The following GAS7 variants were observed in gnomAD, a reference collection of about 807,000 sequenced individuals.
GAS7 encodes the protein growth arrest-specific protein 7.
In GAS7, 28 loss-of-function variants were observed where a neutral mutation model predicts 71.1. The ratio of observed to expected loss-of-function variants is 0.39; its 90% confidence interval spans 0.29 to 0.54. The LOEUF (loss-of-function observed/expected upper bound fraction) is 0.54. GAS7 is among the 20% of genes least tolerant of loss of function. The pLI, the probability that GAS7 is intolerant of heterozygous loss-of-function variation, is 0.62. For synonymous variants in GAS7, 258 were observed against 245.8 expected (o/e 1.05, Z -0.46); for missense variants, 436 against 627.8 (o/e 0.69, Z 3.27).
chr17:9,919,493 C>T lies in GAS7; in HGVS notation c.1218+133G>A, dbSNP rs2067715794. 1 of 753,108 alleles carries T rather than the reference C, an allele frequency of 1.3e-6. No individual in the cohort carries two copies. Among genetic ancestry groups the T allele is most frequent in the Admixed American group, 1.9e-5 (1 of 52,372 alleles). The allele number at this position is 753,108 out of a possible 1,614,324, so 46.7% of individuals were successfully genotyped here. The stretch of plus-strand genomic sequence containing the variant: ...CTGGCTCACATTGAGGTTTCGACCC[C>T]AACACTGAAGTAGATTTGATGACCA... On this transcript the variant is annotated intron_variant, in intron 12 of 13. Coordinates refer to ENST00000432992, the MANE Select transcript of GAS7 (RefSeq NM_201433.2). The surrounding 1 kb of genome is among the most constrained non-coding windows in gnomAD (Gnocchi z 5.0).
At chr17:9,948,845 C>T (rs1292676179) in intron 5 of GAS7, among the ~76,000 whole-genome samples, 1 of 152,182 alleles carries the variant, frequency 6.6e-6, no homozygotes, top group African/African-American at 2.4e-5. Flanking sequence ...CCCCAGATTC[C>T]CACCTCTCCT....
chr17:9,964,213 GGGTGATACCACACAGGAA>G (rs150310025), intron 4 of GAS7, among the ~76,000 whole-genome samples: 15,773 of 152,090 alleles, frequency 0.1, 2,695 homozygotes, highest in African/African-American at 0.36. Flanking sequence ...GCCTGGCAGG[GGGTGATACCACACAGGAA>G]GTGCTTGGTA....
In GAS7 at chr17:9,917,059, G is replaced by C. The variant is rs571767090; in HGVS notation, c.*169C>G. 3.4e-4 allele frequency: 209 copies of C among 607,700 alleles called. No individual in the cohort carries two copies. The African/African-American group carries it at 3.6e-3, about 10-fold the overall frequency. 37.6% of individuals were successfully genotyped at this position (607,700 alleles called of 1,614,324 possible). A position where few individuals can be genotyped will look rare whatever the true frequency, so the allele number is the denominator to read the frequency against. On this transcript the variant is annotated 3_prime_UTR_variant, in exon 14 of 14. Transcript: ENST00000432992. ...TCTGTCTTCTGGGCCTGGGAATATG[G>C]GGGAGCCCCCAGCTAGGCTGTCCGG...
intron 1 of GAS7, among the ~76,000 whole-genome samples, chr17:10,107,309 A>T (rs1017786327): frequency 6.6e-6 from 1 of 152,238 alleles, no homozygotes; most frequent in Non-Finnish European, 1.5e-5. Context: ...ATTAACCTTT[A>T]TAGGAACGGC....
At chr17:9,970,039 G>A (rs947655609) in intron 3 of GAS7, among the ~76,000 whole-genome samples, 10 of 152,182 alleles carry the variant, frequency 6.6e-5, no homozygotes, top group Non-Finnish European at 1.3e-4. Context: ...AACAGGAGGG[G>A]AGGTCACTAT....
intron 1 of GAS7, among the ~76,000 whole-genome samples, chr17:10,125,483 C>CTCT (rs1351377050): frequency 6.8e-6 from 1 of 146,062 alleles, no homozygotes; most frequent in African/African-American, 2.5e-5. Context: ...TGCCATTGCA[C>CTCT]TCTTGCACTC....
At chr17:10,109,639 C>A (rs60290464) in intron 1 of GAS7, among the ~76,000 whole-genome samples, 5,364 of 152,312 alleles carry the variant, frequency 0.035, 142 homozygotes, top group South Asian at 0.12. Flanking sequence ...AGACATCAGG[C>A]CAGGAGCAGT....
rs2067727806 is a variant in GAS7, at chr17:9,919,765, CCACCCTGAG to C, written c.1139-69_1139-61del. On this transcript the variant is annotated intron_variant, in intron 11 of 13. Transcript: ENST00000432992. The surrounding 1 kb of genome is among the most constrained non-coding windows in gnomAD (Gnocchi z 5.0). ...CCTATCCTCACCATGACTCTGTGCC[CCACCCTGAG>C]CCCCACAGCCAAGCCTTCTCCTCCC... 2 of 1,238,644 alleles carry C rather than the reference CCACCCTGAG, an allele frequency of 1.6e-6. No individual in the cohort carries two copies. The highest frequency in any genetic ancestry group is 1.9e-4 in the Middle Eastern group (1 of 5,380). 76.7% of individuals were successfully genotyped at this position (1,238,644 alleles called of 1,614,324 possible). A position where few individuals can be genotyped will look rare whatever the true frequency, so the allele number is the denominator to read the frequency against.
Position 9,969,780 on chromosome 17 carries a change from C to G in GAS7, c.386-18G>C. ...TCCATTCACTGCAGGGACAGAGACA[C>G]GGCTCAGATGCTGTGTGGGCCACAG... On this transcript the variant is annotated intron_variant, in intron 3 of 13. Coordinates refer to ENST00000432992, the MANE Select transcript of GAS7 (RefSeq NM_201433.2). The surrounding 1 kb of genome is among the most constrained non-coding windows in gnomAD (Gnocchi z 5.5). 6.5e-7 allele frequency: 1 copy of G among 1,545,662 alleles called. No individual in the cohort carries two copies. The highest frequency in any genetic ancestry group is 1.4e-5 in the African/African-American group (1 of 73,696).
At chr17:10,056,951 G>T (rs1171408953) in intron 1 of GAS7, among the ~76,000 whole-genome samples, 5 of 152,014 alleles carry the variant, frequency 3.3e-5, no homozygotes, top group Non-Finnish European at 5.9e-5. Context: ...CACCACGCCT[G>T]ACTGGTTTTC....
chr17:10,088,578 G>A (rs201513674), intron 1 of GAS7, among the ~76,000 whole-genome samples: 6 of 152,230 alleles, frequency 3.9e-5, no homozygotes, highest in Middle Eastern at 6.8e-3. Context: ...ATCTTTTTAC[G>A]AGGCTCAGCC....
intron 1 of GAS7, among the ~76,000 whole-genome samples, chr17:10,043,465 C>A (rs9909920): frequency 0.43 from 65,398 of 152,068 alleles, 15,765 homozygotes; most frequent in African/African-American, 0.67. Flanking sequence ...AAATCTGTAC[C>A]TAACTTTTGA....
intron 1 of GAS7, among the ~76,000 whole-genome samples, chr17:10,114,077 G>T (rs1295933580): frequency 6.6e-6 from 1 of 151,946 alleles, no homozygotes; most frequent in Admixed American, 6.6e-5. Flanking sequence ...ACCACGCCTG[G>T]CTAATCTTTT....
intron 5 of GAS7, among the ~76,000 whole-genome samples, chr17:9,956,318 TG>T (rs1382409635): frequency 6.6e-6 from 1 of 152,020 alleles, no homozygotes; most frequent in South Asian, 2.1e-4. Context: ...CGGAGCTCTG[TG>T]GAACAGAGAA....
In GAS7 at chr17:10,015,153, C is replaced by CA. The variant is rs777458860; in HGVS notation, c.304+4623dup. 5.1e-3 allele frequency among the ~76,000 whole-genome samples: 591 copies of CA among 115,938 alleles called. 2 individuals carry two copies. The highest frequency in any genetic ancestry group is 0.019 in the African/African-American group (451 of 23,852). 76.1% of individuals were successfully genotyped at this position (115,938 alleles called of 152,430 possible). ...CTGGCGACAGAGCGAGACTCTGTCT[C>CA]AAAAAAAAAAGAAAAGAAAAGAAAA... On this transcript the variant is annotated intron_variant, in intron 2 of 13. Coordinates refer to ENST00000432992, the MANE Select transcript of GAS7 (RefSeq NM_201433.2).
chr17:9,940,861 C>T (rs1016511558), intron 7 of GAS7, among the ~76,000 whole-genome samples: 8 of 152,210 alleles, frequency 5.3e-5, no homozygotes, highest in Admixed American at 2.0e-4. Context: ...TTATCTGGCA[C>T]GTCCATGTTA....
intron 1 of GAS7, among the ~76,000 whole-genome samples, chr17:10,128,362 G>A (rs1167973141): frequency 2.0e-5 from 3 of 152,164 alleles, no homozygotes; most frequent in Non-Finnish European, 2.9e-5. Context: ...CTGCTCCCAG[G>A]AGCCATTAGA....
intron 8 of GAS7, among the ~76,000 whole-genome samples, chr17:9,937,948 G>A (rs1040073615): frequency 3.9e-5 from 6 of 152,232 alleles, no homozygotes; most frequent in South Asian, 4.2e-4. Flanking sequence ...AAAATTAACC[G>A]TTGAAAAGTG....
intron 1 of GAS7, among the ~76,000 whole-genome samples, chr17:10,181,326 C>T (rs200068893): frequency 6.6e-6 from 1 of 150,838 alleles, no homozygotes; most frequent in African/African-American, 2.4e-5. Flanking sequence ...AGCCACTGCA[C>T]TCCAGCCTGG....
Sources: allele counts gnomAD v4.1 joint callset (sites outside exome capture counted in the v4.1 genomes callset), GRCh38; gene constraint gnomAD v4.1.1; non-coding constraint Gnocchi (gnomAD v3.1); transcripts MANE v1.5; gene names NCBI Gene and HGNC (gene_info 2026-07-23, HGNC 2026-07-21).